FCGR3B: variants seen among roughly 807,000 people sequenced by gnomAD.
FCGR3B encodes the protein Fc gamma receptor IIIb.
In FCGR3B, 20 loss-of-function variants were observed where a neutral mutation model predicts 26.7. The observed-to-expected ratio is 0.75, with a 90% CI of 0.53 to 1.09. The LOEUF (loss-of-function observed/expected upper bound fraction) is 1.09. Among genes scored for constraint, FCGR3B ranks in the 50% least tolerant of loss-of-function variants. The probability of loss-of-function intolerance (pLI) is 0.00; values close to 1 mark genes in which losing one functional copy is unlikely to be tolerated. For missense variants in FCGR3B, 191 were observed against 279.7 expected (o/e 0.68, Z 2.26); for synonymous variants, 79 against 107.0 (o/e 0.74, Z 1.62).
rs1275520329 is a variant in FCGR3B at position 161,623,393 on chromosome 1, T to C, written c.*1122A>G. On this transcript the variant is annotated 3_prime_UTR_variant, in exon 5 of 5. Transcript: ENST00000650385. ...TCATTGGAACTGACATGAAGAAGGA[T>C]TTGAAAGTTTCACAGCGTAACTCAG... 2 of 150,484 alleles carry C rather than the reference T, an allele frequency of 1.3e-5. No individual in the cohort carries two copies. Among genetic ancestry groups the C allele is most frequent in the Non-Finnish European group, 3.0e-5 (2 of 67,752 alleles). 9.3% of individuals were successfully genotyped at this position (150,484 alleles called of 1,614,324 possible).
rs547881803 is a variant in FCGR3B, at chr1:161,630,981, T to C, written c.40+74A>G. The C allele has an allele frequency of 7.2e-6, 11 of 1,519,274 alleles. 1 individual carries two copies. The South Asian group carries it at 1.4e-4, about 20-fold the overall frequency. The allele number at this position is 1,519,274 out of a possible 1,614,324, so 94.1% of individuals were successfully genotyped here. A position where few individuals can be genotyped will look rare whatever the true frequency, so the allele number is the denominator to read the frequency against. On this transcript the variant is annotated intron_variant, in intron 1 of 4. Transcript: ENST00000650385. ...CATCCCTTTGTGGGAGTCTCATTCG[T>C]AGCCTGAAAAGGGGTGTCTGATGAA...
chr1:161,624,647 G>A lies in FCGR3B; in HGVS notation c.578-8C>T. On this transcript the variant is annotated splice_region_variant and splice_polypyrimidine_tract_variant and intron_variant, in intron 4 of 4. Transcript: ENST00000650385. ...TGGTTGACACTGCCAAACCTATTAG[G>A]AGAAGTGGAGAGATGAAAAAAAATG... 6.3e-7 allele frequency: 1 copy of A among 1,595,524 alleles called. No individual in the cohort carries two copies. Among genetic ancestry groups the A allele is most frequent in the Non-Finnish European group, 8.5e-7 (1 of 1,170,928 alleles).
In FCGR3B at chr1:161,630,869, A is replaced by G. The variant is rs1430575410; in HGVS notation, c.40+186T>C. The G allele has an allele frequency of 4.3e-5, 59 of 1,388,030 alleles. 1 individual carries two copies. In the Admixed American group the frequency reaches 5.0e-4, roughly 12 times the overall value. The allele number at this position is 1,388,030 out of a possible 1,614,324, so 86.0% of individuals were successfully genotyped here. ...TGGCCTCACTCATGACTATGACCCA[A>G]TTGGAACCAGCATTCTCCTCATTTC... On this transcript the variant is annotated intron_variant, in intron 1 of 4. Coordinates refer to ENST00000650385, the MANE Select transcript of FCGR3B (RefSeq NM_001244753.2).
chr1:161,624,520 T>G lies in FCGR3B; in HGVS notation c.697A>C (p.Ile233Leu), dbSNP rs780024332. 1.2e-6 allele frequency: 2 copies of G among 1,607,206 alleles called. No homozygotes were observed. Among genetic ancestry groups the G allele is most frequent in the Non-Finnish European group, 8.5e-7 (1 of 1,177,012 alleles). ...TGLYFSVKTN[I>L] ...TTCCAGTCTCTTGTTGAGCTTCAAA[T>G]GTTTGTCTTCACAGAGAAATATAGT... is the stretch of plus-strand genomic sequence containing the variant. Residue 233 changes from isoleucine (I) to leucine (L), a missense_variant, in exon 5 of 5, where the codon ATT (isoleucine) becomes CTT (leucine). By Grantham distance (5) the Ile-to-Leu change is conservative. Coordinates refer to ENST00000650385, the MANE Select transcript of FCGR3B (RefSeq NM_001244753.2).
chr1:161,625,927 C>T (rs1386290182), intron 4 of FCGR3B, among the ~76,000 whole-genome samples: 1 of 147,462 alleles, frequency 6.8e-6, no homozygotes, highest in African/African-American at 2.6e-5. Context: ...GAGTGAATGA[C>T]ACCTCCTAGC....
Position 161,623,474 on chromosome 1 carries a change from A to G in FCGR3B, c.*1041T>C, listed in dbSNP as rs767662692. 21 of 150,470 alleles carry G rather than the reference A, an allele frequency of 1.4e-4. 1 individual carries two copies. The highest frequency in any genetic ancestry group is 2.8e-4 in the Non-Finnish European group (19 of 67,768). 9.3% of individuals were successfully genotyped at this position (150,470 alleles called of 1,614,324 possible). A position where few individuals can be genotyped will look rare whatever the true frequency, so the allele number is the denominator to read the frequency against. ...ATACAACATTTGTTTAATAAATGCA[A>G]TGAACAAAGCTATACAGGAACTAGA... On this transcript the variant is annotated 3_prime_UTR_variant, in exon 5 of 5. Coordinates refer to ENST00000650385, the MANE Select transcript of FCGR3B (RefSeq NM_001244753.2).
chr1:161,631,038 G>T lies in FCGR3B; in HGVS notation c.40+17C>A, dbSNP rs1454113702. ...GCATCTCAAACTTCTCCCTCAACCA[G>T]GGAGATCCTGACTTACCTAGAAGTA... is the stretch of plus-strand genomic sequence containing the variant. On this transcript the variant is annotated intron_variant, in intron 1 of 4. Coordinates refer to ENST00000650385, the MANE Select transcript of FCGR3B (RefSeq NM_001244753.2). 4.4e-6 allele frequency: 7 copies of T among 1,602,908 alleles called. No homozygotes were observed. Among genetic ancestry groups the T allele is most frequent in the Non-Finnish European group, 6.0e-6 (7 of 1,175,974 alleles).
chr1:161,631,610 T>C (rs1679755065), upstream of FCGR3B: 2 of 318,122 alleles, frequency 6.3e-6, no homozygotes, highest in Admixed American at 5.3e-5. Flanking sequence ...CAGAAAGTTG[T>C]CCTTTCAAAT....
chr1:161,629,481 G>A (rs1679631220), intron 3 of FCGR3B, among the ~76,000 whole-genome samples: 1 of 48,286 alleles, frequency 2.1e-5, no homozygotes, highest in Non-Finnish European at 4.0e-5. Context: ...CTATTATTGA[G>A]CATCTATGCC....
At chr1:161,631,352 T>G, upstream of FCGR3B, 1 of 744,192 alleles carries the variant, frequency 1.3e-6, no homozygotes. Context: ...CTCCCAAAGG[T>G]CTGCGGCTGA....
In FCGR3B at chr1:161,629,882, G is replaced by A. The variant is rs574580037; in HGVS notation, c.215C>T (p.Ser72Leu). The A allele has an allele frequency of 6.0e-5, 90 of 1,498,276 alleles. 8 individuals are homozygous for A. Among genetic ancestry groups the A allele is most frequent in the Non-Finnish European group, 7.5e-5 (85 of 1,133,576 alleles). The allele number at this position is 1,498,276 out of a possible 1,614,324, so 92.8% of individuals were successfully genotyped here. The change falls in exon 3 of 5, where the codon TCG becomes TTG. Residue 72 changes from serine to leucine, a missense_variant. Around this residue, in one of 2 missense-constraint regions of FCGR3B, gnomAD observed 88 missense variants for 165.2 expected, o/e 0.53. Coordinates refer to ENST00000650385, the MANE Select transcript of FCGR3B (RefSeq NM_001244753.2). ...TGTGGCAGCGTCAATGAAGTAGCTC[G>A]AGGCCTGGCTTGAGATGAGGTTCTC... The part of the protein sequence containing the change: ...HNENLISSQA[S>L]SYFIDAATVN...
In FCGR3B at chr1:161,630,400, A is replaced by G. The variant is rs1287977862; in HGVS notation, c.41-12T>C. 3.7e-6 allele frequency: 6 copies of G among 1,605,630 alleles called. 1 individual carries two copies. In the Admixed American group the frequency reaches 6.7e-5, roughly 18 times the overall value. On this transcript the variant is annotated splice_polypyrimidine_tract_variant and intron_variant, in intron 1 of 4. Transcript: ENST00000650385. ...CATGCCAGCTGAAACTGCAAGAAAAAAGAGTAAATCAAATATTGAGTAGGG... is the reference window on the plus strand; with the variant it reads ...CATGCCAGCTGAAACTGCAAGAAAAGAGAGTAAATCAAATATTGAGTAGGG...
At chr1:161,628,294 C>T (rs1223263405) in intron 3 of FCGR3B, among the ~76,000 whole-genome samples, 1 of 149,616 alleles carries the variant, frequency 6.7e-6, no homozygotes, top group Admixed American at 6.7e-5. Flanking sequence ...CAAAAACAAA[C>T]AAACAAACAA....
rs369926902 is a variant in FCGR3B, at chr1:161,627,937, C to T, written c.320-1535G>A. Among the ~76,000 whole-genome samples the T allele has an allele frequency of 1.3e-4, 19 of 150,044 alleles. 1 individual carries two copies. The East Asian group carries it at 1.9e-3, about 15-fold the overall frequency. On this transcript the variant is annotated intron_variant, in intron 3 of 4. Transcript: ENST00000650385. Reference sequence around the variant, plus strand: ...ACAACAGGCTAAGAATAAAGGACTGCGGGGCCGACTAGATTGGAATAAAGA... The same window carrying T: ...ACAACAGGCTAAGAATAAAGGACTGTGGGGCCGACTAGATTGGAATAAAGA...
intron 4 of FCGR3B, among the ~76,000 whole-genome samples, chr1:161,624,919 TTG>T (rs1679388394): frequency 7.0e-6 from 1 of 142,690 alleles, no homozygotes. Flanking sequence ...AAGCTGGGTT[TTG>T]TGTGACAGTT....
upstream of FCGR3B, chr1:161,631,416 A>G: frequency 1.7e-6 from 1 of 572,182 alleles, no homozygotes; most frequent in Non-Finnish European, 3.0e-6. Flanking sequence ...CTTTCCCAGG[A>G]TGCTTGCCCC....
intron 1 of FCGR3B, chr1:161,630,842 A>G (rs77109226): frequency 0.34 from 378,131 of 1,119,452 alleles, 58,503 homozygotes; most frequent in East Asian, 0.62. Context: ...GGGTGAAGTG[A>G]CTGGCCTCAC....
In FCGR3B at chr1:161,624,454, A is replaced by G. The variant is rs1182244532; in HGVS notation, c.*61T>C. ...TTATTACCCCCATGGGATGGGGGTC[A>G]TGTGTCTTGAGGGTCCTTTCTCCAT... On this transcript the variant is annotated 3_prime_UTR_variant, in exon 5 of 5. Coordinates refer to ENST00000650385, the MANE Select transcript of FCGR3B (RefSeq NM_001244753.2). 1 of 1,561,984 alleles carries G rather than the reference A, an allele frequency of 6.4e-7. No homozygotes were observed. Among genetic ancestry groups the G allele is most frequent in the Non-Finnish European group, 8.7e-7 (1 of 1,144,668 alleles).
chr1:161,625,775 T>C lies in FCGR3B; in HGVS notation c.577+370A>G, dbSNP rs1054430689. On this transcript the variant is annotated intron_variant, in intron 4 of 4. Coordinates refer to ENST00000650385, the MANE Select transcript of FCGR3B (RefSeq NM_001244753.2). ...GAGGGGATGAGGGGCTCCTGCCAGT[T>C]TGGATCGTGGCTAAAAGGCTTGGAT... Among the ~76,000 whole-genome samples, 78 of 142,994 alleles carry C rather than the reference T, an allele frequency of 5.5e-4. 2 individuals are homozygous for C. The highest frequency in any genetic ancestry group is 7.6e-5 in the Non-Finnish European group (5 of 66,030). The allele number at this position is 142,994 out of a possible 152,430, so 93.8% of individuals were successfully genotyped here. A position where few individuals can be genotyped will look rare whatever the true frequency, so the allele number is the denominator to read the frequency against.
Sources: allele counts gnomAD v4.1 joint callset (sites outside exome capture counted in the v4.1 genomes callset), GRCh38; gene constraint gnomAD v4.1.1; regional missense constraint gnomAD v4.1.1; transcripts MANE v1.5; gene names NCBI Gene and HGNC (gene_info 2026-07-23, HGNC 2026-07-21).